Variants in PDE4D observed in about 807,000 individuals in gnomAD.
The protein encoded by PDE4D is phosphodiesterase 4D.
PDE4D carries 24 observed loss-of-function variants against 87.4 expected under a neutral mutation model. That is an observed-to-expected ratio of 0.27 (90% CI 0.20 to 0.39). PDE4D has a LOEUF of 0.39. PDE4D is among the 10% of genes least tolerant of loss of function. The probability of loss-of-function intolerance (pLI) is 1.00; values close to 1 mark genes in which losing one functional copy is unlikely to be tolerated. For missense variants in PDE4D, 714 were observed against 1,041.0 expected (o/e 0.69, Z 4.32); for synonymous variants, 384 against 383.2 (o/e 1.00, Z -0.02).
intron 1 of PDE4D, among the ~76,000 whole-genome samples, chr5:59,283,764 G>GAAT (rs1218310115): frequency 1.3e-5 from 2 of 152,078 alleles, no homozygotes; most frequent in Non-Finnish European, 2.9e-5. Context: ...CAGAAGTTCA[G>GAAT]TCTCCTTGGA....
chr5:59,392,429 T>C (rs768708381), intron 1 of PDE4D, among the ~76,000 whole-genome samples: 6 of 151,718 alleles, frequency 4.0e-5, no homozygotes, highest in Non-Finnish European at 8.8e-5. Context: ...AGCCTACAGA[T>C]GGCCTATTGT....
chr5:60,512,985 G>A (rs1023904849), intron 1 of PDE4D, among the ~76,000 whole-genome samples: 13 of 151,994 alleles, frequency 8.6e-5, no homozygotes, highest in Admixed American at 8.5e-4. Flanking sequence ...AACAGAGCAG[G>A]AAAAGTGGAA....
intron 2 of PDE4D, among the ~76,000 whole-genome samples, chr5:60,051,964 A>G (rs1023205781): frequency 3.9e-5 from 6 of 152,232 alleles, no homozygotes; most frequent in Admixed American, 2.6e-4. Flanking sequence ...ATTCCTGGAC[A>G]CATACACCCT....
At chr5:60,484,335 G>C (rs1561305742) in intron 1 of PDE4D, among the ~76,000 whole-genome samples, 1 of 152,044 alleles carries the variant, frequency 6.6e-6, no homozygotes, top group Non-Finnish European at 1.5e-5. Flanking sequence ...TATTGGCTTA[G>C]TGCTGTATCT....
intron 1 of PDE4D, among the ~76,000 whole-genome samples, chr5:60,238,187 T>C (rs1250213966): frequency 1.3e-5 from 2 of 152,014 alleles, no homozygotes; most frequent in Non-Finnish European, 2.9e-5. Context: ...TGCTATTATG[T>C]TGTTTATTAA....
At chr5:60,394,874 C>G (rs1762784059) in intron 1 of PDE4D, among the ~76,000 whole-genome samples, 1 of 152,174 alleles carries the variant, frequency 6.6e-6, no homozygotes, top group Non-Finnish European at 1.5e-5. Context: ...CTGGGGTTTT[C>G]CACATCTTGC....
chr5:59,515,528 G>A (rs1472034376), intron 1 of PDE4D, among the ~76,000 whole-genome samples: 3 of 152,132 alleles, frequency 2.0e-5, no homozygotes, highest in East Asian at 1.9e-4. Context: ...CAGATGATAC[G>A]ATTGTCTACA....
intron 1 of PDE4D, among the ~76,000 whole-genome samples, chr5:59,665,281 A>G (rs1334194003): frequency 6.6e-6 from 1 of 152,222 alleles, no homozygotes; most frequent in Non-Finnish European, 1.5e-5. Context: ...TCTCTGCTTT[A>G]TGTTAGCATA....
intron 1 of PDE4D, among the ~76,000 whole-genome samples, chr5:59,353,179 A>T (rs1320078548): frequency 6.6e-6 from 1 of 152,158 alleles, no homozygotes; most frequent in Non-Finnish European, 1.5e-5. Flanking sequence ...GGAAGACAGA[A>T]TCATCTCAAG....
intron 5 of PDE4D, among the ~76,000 whole-genome samples, chr5:59,053,662 T>G (rs1336509089): frequency 1.4e-5 from 1 of 70,584 alleles, no homozygotes; most frequent in Non-Finnish European, 3.6e-5. Context: ...TTTGTTGTTG[T>G]TTTTTTTTTT....
chr5:59,249,339 A>G (rs1446122450), intron 1 of PDE4D, among the ~76,000 whole-genome samples: 2 of 152,180 alleles, frequency 1.3e-5, no homozygotes, highest in Non-Finnish European at 2.9e-5. Flanking sequence ...CAGTAAGATG[A>G]GAACTCTCAA....
intron 1 of PDE4D, among the ~76,000 whole-genome samples, chr5:60,219,397 A>G (rs1201008249): frequency 6.6e-6 from 1 of 152,162 alleles, no homozygotes; most frequent in Admixed American, 6.5e-5. Context: ...GTTGAACATA[A>G]CATTTTAGAA....
chr5:60,131,402 C>T (rs1353642109), intron 2 of PDE4D, among the ~76,000 whole-genome samples: 1 of 152,188 alleles, frequency 6.6e-6, no homozygotes, highest in African/African-American at 2.4e-5. Context: ...TTCTCATCAA[C>T]AAATAACAGT....
At chr5:59,857,564 G>T (rs982842054) in intron 1 of PDE4D, among the ~76,000 whole-genome samples, 4 of 125,808 alleles carry the variant, frequency 3.2e-5, no homozygotes, top group Non-Finnish European at 5.9e-5. Context: ...TCCCTGATGA[G>T]CAAGTTATTT....
intron 5 of PDE4D, among the ~76,000 whole-genome samples, chr5:59,128,015 C>CGTGTGTGTGTGT (rs55796726): frequency 0.021 from 3,073 of 144,340 alleles, 85 homozygotes; most frequent in Admixed American, 0.059. Flanking sequence ...CTTTCAGAGC[C>CGTGTGTGTGTGT]GTGTGTGTGT....
At chr5:59,322,120 A>C (rs1000175042) in intron 1 of PDE4D, among the ~76,000 whole-genome samples, 1 of 152,164 alleles carries the variant, frequency 6.6e-6, no homozygotes, top group African/African-American at 2.4e-5. Flanking sequence ...ATAAATTCTC[A>C]GGACTAATTA....
At chr5:59,154,925 A>G (rs181284009) in intron 5 of PDE4D, among the ~76,000 whole-genome samples, 216 of 152,296 alleles carry the variant, frequency 1.4e-3, no homozygotes, top group African/African-American at 5.1e-3. Flanking sequence ...ATTTGGTAGA[A>G]GGATTCATGA....
At chr5:59,616,700 T>G (rs954612405) in intron 1 of PDE4D, among the ~76,000 whole-genome samples, 1 of 151,792 alleles carries the variant, frequency 6.6e-6, no homozygotes, top group Non-Finnish European at 1.5e-5. Context: ...AATCTAGAAT[T>G]TTGTACTCTA....
intron 2 of PDE4D, among the ~76,000 whole-genome samples, chr5:60,164,877 A>G (rs1215767233): frequency 1.3e-5 from 2 of 152,180 alleles, no homozygotes; most frequent in African/African-American, 4.8e-5. Flanking sequence ...ATCAACTTAC[A>G]TAGTTATCGC....
Sources: gnomAD v4.1 joint callset for allele counts (sites outside exome capture counted in the v4.1 genomes callset) on GRCh38, gnomAD v4.1.1 for gene constraint, MANE v1.5 for transcripts, NCBI Gene and HGNC (gene_info 2026-07-23, HGNC 2026-07-21) for gene names.